PFKFB1: variants seen among roughly 807,000 people sequenced by gnomAD.
PFKFB1 encodes 6-phosphofructo-2-kinase/fructose-2,6-biphosphatase 1.
PFKFB1 carries 34 observed loss-of-function variants against 46.4 expected under a neutral mutation model. That is an observed-to-expected ratio of 0.73 (90% CI 0.56 to 0.98). The LOEUF (loss-of-function observed/expected upper bound fraction) is 0.98, where lower values mean the gene tolerates loss of function less well. Among genes scored for constraint, PFKFB1 ranks in the 50% least tolerant of loss-of-function variants. The pLI is 0.00. For synonymous variants in PFKFB1, 119 were observed against 133.8 expected (o/e 0.89, Z 0.76); for missense variants, 393 against 376.3 (o/e 1.04, Z -0.37).
chrX:54,935,157 G>A lies in PFKFB1; in HGVS notation c.1229-148C>T, dbSNP rs746504031. ...AGGGGCCCACTCCCCACACCCTGCA[G>A]GGGCAGCACTGAGAGCACCTGGGAA... On this transcript the variant is annotated intron_variant, in intron 11 of 13. Coordinates refer to ENST00000375006, the MANE Select transcript of PFKFB1 (RefSeq NM_002625.4). The A allele has an allele frequency of 5.9e-5, 29 of 491,050 alleles. No homozygotes were observed. In the African/African-American group the frequency reaches 6.4e-4, roughly 11 times the overall value. 40.5% of individuals were successfully genotyped at this position (491,050 alleles called of 1,213,427 possible).
At chrX:54,973,855 C>G (rs779768538) in intron 1 of PFKFB1, among the ~76,000 whole-genome samples, 1 of 110,842 alleles carries the variant, frequency 9.0e-6, no homozygotes, top group South Asian at 3.8e-4. Flanking sequence ...AATTCAAAAT[C>G]AAAGTTAAAA....
intron 11 of PFKFB1, 87 bp from the exon 12 acceptor site, chrX:54,935,096 C>A: frequency 1.4e-6 from 1 of 694,868 alleles, no homozygotes; most frequent in African/African-American, 2.1e-5. Context: ...TGGATGCTCC[C>A]CATTCCATGT....
intron 1 of PFKFB1, among the ~76,000 whole-genome samples, chrX:54,980,710 AACACACACACACAC>A (rs751759536): frequency 7.0e-4 from 58 of 83,384 alleles, no homozygotes; most frequent in East Asian, 7.9e-4. Context: ...AAAAAAAGCC[AACACACACACACAC>A]ACACACACAC....
upstream of PFKFB1, among the ~76,000 whole-genome samples, chrX:54,997,695 T>C (rs138487212): frequency 0.022 from 2,444 of 111,430 alleles, 57 homozygotes; most frequent in African/African-American, 0.075. Flanking sequence ...AGGCCTTCTG[T>C]GACAGCAGCC....
Position 54,993,826 on chromosome X carries a change from A to G in PFKFB1, c.97+85T>C, listed in dbSNP as rs1935305536. 3 of 1,110,511 alleles carry G rather than the reference A, an allele frequency of 2.7e-6. No individual in the cohort carries two copies. The Admixed American group carries it at 9.2e-5, about 34-fold the overall frequency. The allele number at this position is 1,110,511 out of a possible 1,213,427, so 91.5% of individuals were successfully genotyped here. ...AACTTTTAGGTTGAGGTAGGAGTGG[A>G]TGGCAAGGGGAGGTGCATCCTTTGC... is the stretch of plus-strand genomic sequence containing the variant. On this transcript the variant is annotated intron_variant, in intron 1 of 13. Coordinates refer to ENST00000375006, the MANE Select transcript of PFKFB1 (RefSeq NM_002625.4).
At chrX:54,936,725 G>C (rs1344072564) in intron 11 of PFKFB1, among the ~76,000 whole-genome samples, 1 of 112,097 alleles carries the variant, frequency 8.9e-6, no homozygotes, top group East Asian at 2.8e-4. Flanking sequence ...GGACCAGGCA[G>C]AGGAAATTCC....
chrX:54,946,335 C>T (rs375179291), intron 9 of PFKFB1, among the ~76,000 whole-genome samples: 2 of 111,743 alleles, frequency 1.8e-5, no homozygotes, highest in East Asian at 5.6e-4. Flanking sequence ...GAATGAGTTC[C>T]TAAGGAGCTT....
intron 8 of PFKFB1, among the ~76,000 whole-genome samples, chrX:54,949,659 G>A (rs1933909893): frequency 8.9e-6 from 1 of 112,068 alleles, no homozygotes; most frequent in Middle Eastern, 4.6e-3. Flanking sequence ...ACATGACCAA[G>A]TTCTGTCCAC....
chrX:54,940,961 T>G (rs1411104596), intron 10 of PFKFB1, among the ~76,000 whole-genome samples: 15 of 111,569 alleles, frequency 1.3e-4, no homozygotes. Context: ...AGAACAAAGC[T>G]GGGGGCATCA....
chrX:54,949,935 C>A (rs1023039455), intron 8 of PFKFB1, among the ~76,000 whole-genome samples: 1 of 112,398 alleles, frequency 8.9e-6, no homozygotes, highest in Non-Finnish European at 1.9e-5. Context: ...TACCCAGGTT[C>A]TAAGGGCATT....
chrX:54,939,014 A>C (rs1373655005), intron 10 of PFKFB1, among the ~76,000 whole-genome samples: 3 of 111,878 alleles, frequency 2.7e-5, no homozygotes, highest in Non-Finnish European at 5.6e-5. Context: ...AGCAAATGTA[A>C]AAGAACAGAA....
intron 10 of PFKFB1, among the ~76,000 whole-genome samples, chrX:54,940,015 C>T (rs1933561820): frequency 8.9e-6 from 1 of 111,833 alleles, no homozygotes; most frequent in Non-Finnish European, 1.9e-5. Context: ...AAACCGAATC[C>T]AGCAACACAT....
intron 1 of PFKFB1, among the ~76,000 whole-genome samples, chrX:54,992,772 G>A (rs949744914): frequency 2.7e-5 from 3 of 111,446 alleles, no homozygotes; most frequent in African/African-American, 9.8e-5. Context: ...CAGCCCCTTG[G>A]AAAAGGCCAA....
chrX:54,949,601 T>C (rs765488481), intron 8 of PFKFB1, among the ~76,000 whole-genome samples: 1 of 112,337 alleles, frequency 8.9e-6, no homozygotes, highest in Admixed American at 9.4e-5. Context: ...TCTGGCTCTA[T>C]CCTGCACTTC....
chrX:54,969,506 G>A (rs1180891350), intron 1 of PFKFB1, among the ~76,000 whole-genome samples: 1 of 111,476 alleles, frequency 9.0e-6, no homozygotes, highest in East Asian at 2.8e-4. Context: ...GCCAGTCTGT[G>A]GTATTCTGTT....
At chrX:54,985,826 AT>A (rs1330474351) in intron 1 of PFKFB1, among the ~76,000 whole-genome samples, 2 of 110,032 alleles carry the variant, frequency 1.8e-5, no homozygotes, top group African/African-American at 6.6e-5. Context: ...ATTAGTACAA[AT>A]CTGAAGCACA....
In PFKFB1 at chrX:54,934,953, C is replaced by T. The variant is rs1009563843; in HGVS notation, c.1285G>A (p.Ala429Thr). The change falls in exon 12 of 14, where the codon GCT becomes ACT. Residue 429 changes from alanine (A) to threonine (T), a missense_variant. Transcript: ENST00000375006. Reference sequence around the variant, plus strand: ...TCAGGGTGGGAGTACTTACCATAAGCCACAGGAGTGAGTTTGAGCACTGTG... The same window carrying T: ...TCAGGGTGGGAGTACTTACCATAAGTCACAGGAGTGAGTTTGAGCACTGTG... ...LHTVLKLTPV[A>T]YGCKVESIYL... 1 of 1,203,369 alleles carries T rather than the reference C, an allele frequency of 8.3e-7. No individual in the cohort carries two copies.
chrX:54,984,930 G>GT (rs1443852300), intron 1 of PFKFB1, among the ~76,000 whole-genome samples: 1 of 110,566 alleles, frequency 9.0e-6, no homozygotes, highest in Non-Finnish European at 1.9e-5. Context: ...TGCTCACAGG[G>GT]TAGGTTCCAC....
upstream of PFKFB1, among the ~76,000 whole-genome samples, chrX:54,995,166 T>TAACTCATAGAACTGCACAGCTTGC (rs1246705647): frequency 9.0e-6 from 1 of 111,497 alleles, no homozygotes; most frequent in Non-Finnish European, 1.9e-5. Flanking sequence ...TTTATGTGTA[T>TAACTCATAGAACTGCACAGCTTGC]AACTCATAGA....
Sources: gnomAD v4.1 joint callset for allele counts (sites outside exome capture counted in the v4.1 genomes callset) on GRCh38, gnomAD v4.1.1 for gene constraint, MANE v1.5 for transcripts, NCBI Gene and HGNC (gene_info 2026-07-23, HGNC 2026-07-21) for gene names.